Variants in TCF12 observed in about 807,000 individuals in gnomAD.
TCF12 encodes transcription factor 12.
A neutral mutation model predicts 86.0 loss-of-function variants in TCF12; 45 were observed. The observed-to-expected ratio is 0.52, with a 90% confidence interval of 0.41 to 0.67. TCF12 has a LOEUF of 0.67. Among genes scored for constraint, TCF12 ranks in the 30% least tolerant of loss-of-function variants. The pLI is 0.00. For synonymous variants in TCF12, 330 were observed against 299.6 expected, an observed-to-expected ratio of 1.10 and a Z score of -1.05; for missense variants, 881 against 859.9, an observed-to-expected ratio of 1.02 and a Z score of -0.31.
At chr15:57,254,709 T>A (rs990601646) in intron 16 of TCF12, among the ~76,000 whole-genome samples, 5 of 151,452 alleles carry the variant, frequency 3.3e-5, no homozygotes, top group African/African-American at 1.2e-4. Flanking sequence ...TAAAAAAAAA[T>A]TAGTCTGGCA....
At chr15:57,074,435 A>G (rs2069704026) in intron 4 of TCF12, among the ~76,000 whole-genome samples, 1 of 150,808 alleles carries the variant, frequency 6.6e-6, no homozygotes, top group South Asian at 2.1e-4. Flanking sequence ...GCTGTTTTGA[A>G]TTCTTGGAGT....
chr15:57,003,459 C>T (rs2064166803), intron 3 of TCF12, among the ~76,000 whole-genome samples: 1 of 152,192 alleles, frequency 6.6e-6, no homozygotes, highest in Non-Finnish European at 1.5e-5. Flanking sequence ...CCATGATGCA[C>T]ATTGTAGGTT....
At chr15:56,999,859 G>C (rs1596040737) in intron 3 of TCF12, among the ~76,000 whole-genome samples, 1 of 152,054 alleles carries the variant, frequency 6.6e-6, no homozygotes, top group Non-Finnish European at 1.5e-5. Context: ...GGGTGACAGA[G>C]TGAGACTCTG....
intron 12 of TCF12, 36 bp from the exon 13 acceptor site, chr15:57,243,436 A>C (rs763061747): frequency 3.9e-6 from 6 of 1,554,472 alleles, no homozygotes; most frequent in Non-Finnish European, 5.3e-6. Context: ...CTGTTGTCAC[A>C]TGTTGATACA....
intron 3 of TCF12, among the ~76,000 whole-genome samples, chr15:57,005,281 C>T (rs1158421209): frequency 2.6e-5 from 4 of 152,172 alleles, no homozygotes; most frequent in Non-Finnish European, 5.9e-5. Flanking sequence ...CTTTAATACT[C>T]ATGTACATTT....
At chr15:57,072,637 T>G (rs1186503346) in intron 4 of TCF12, 1 of 1,292,714 alleles carries the variant, frequency 7.7e-7, no homozygotes, top group African/African-American at 1.5e-5. Flanking sequence ...TAGTATTTTA[T>G]GCCTCTTGAT....
intron 3 of TCF12, among the ~76,000 whole-genome samples, chr15:56,992,795 T>C (rs1433591856): frequency 2.0e-5 from 3 of 152,208 alleles, no homozygotes; most frequent in South Asian, 4.1e-4. Flanking sequence ...TTTTGGTGAA[T>C]AGAAGAATGC....
intron 4 of TCF12, among the ~76,000 whole-genome samples, chr15:57,071,323 G>A (rs1206725610): frequency 1.3e-5 from 2 of 151,826 alleles, no homozygotes; most frequent in African/African-American, 4.8e-5. Context: ...GAAGTGGGAG[G>A]ATTACATGAA....
chr15:57,207,804 A>G (rs2057905995), intron 8 of TCF12, among the ~76,000 whole-genome samples: 1 of 152,158 alleles, frequency 6.6e-6, no homozygotes, highest in Non-Finnish European at 1.5e-5. Context: ...TATCTTCTCC[A>G]GTAACACAAA....
intron 3 of TCF12, among the ~76,000 whole-genome samples, chr15:56,937,359 G>C (rs1431275800): frequency 6.6e-6 from 1 of 151,826 alleles, no homozygotes; most frequent in East Asian, 1.9e-4. Context: ...ATGAGTTCTA[G>C]GAACTTTTTT....
At chr15:57,123,016 A>G (rs1317202096) in intron 5 of TCF12, among the ~76,000 whole-genome samples, 1 of 152,222 alleles carries the variant, frequency 6.6e-6, no homozygotes, top group Non-Finnish European at 1.5e-5. Flanking sequence ...AGAAAATCAA[A>G]CATTTAAACT....
At chr15:57,151,036 T>A (rs2053714892) in intron 5 of TCF12, among the ~76,000 whole-genome samples, 1 of 151,660 alleles carries the variant, frequency 6.6e-6, no homozygotes, top group East Asian at 1.9e-4. Flanking sequence ...TAGGGTGCAG[T>A]GGAGCGATCA....
chr15:57,032,476 T>C (rs1276846146), intron 3 of TCF12, among the ~76,000 whole-genome samples: 1 of 152,218 alleles, frequency 6.6e-6, no homozygotes, highest in African/African-American at 2.4e-5. Flanking sequence ...TCATACAGGC[T>C]GGAGTGCGCT....
chr15:57,250,004 A>G (rs564912288), intron 13 of TCF12, among the ~76,000 whole-genome samples: 1 of 151,602 alleles, frequency 6.6e-6, no homozygotes, highest in African/African-American at 2.4e-5. Context: ...CTTTTTTTTC[A>G]TTCTTTATAC....
chr15:57,066,005 C>CTTCT (rs1369282002), intron 4 of TCF12, among the ~76,000 whole-genome samples: 1 of 152,108 alleles, frequency 6.6e-6, no homozygotes, highest in East Asian at 1.9e-4. Flanking sequence ...AATTTTTCTC[C>CTTCT]TTCTATCCTA....
chr15:57,033,616 A>G (rs2066333592), intron 3 of TCF12, among the ~76,000 whole-genome samples: 2 of 152,140 alleles, frequency 1.3e-5, no homozygotes, highest in South Asian at 2.1e-4. Context: ...AGCTGTAGAA[A>G]TGTTCTACTT....
chr15:57,141,322 A>C (rs564659801), intron 5 of TCF12, among the ~76,000 whole-genome samples: 1 of 152,356 alleles, frequency 6.6e-6, no homozygotes, highest in African/African-American at 2.4e-5. Context: ...TGGTAAAAGC[A>C]GGCATTAACT....
intron 5 of TCF12, among the ~76,000 whole-genome samples, chr15:57,123,102 C>G (rs1222260884): frequency 6.6e-6 from 1 of 152,302 alleles, no homozygotes; most frequent in Middle Eastern, 3.4e-3. Context: ...CAATAGTAAA[C>G]TTCCTGCCTT....
intron 16 of TCF12, among the ~76,000 whole-genome samples, chr15:57,258,150 G>A (rs1021050933): frequency 1.3e-4 from 20 of 152,014 alleles, no homozygotes; most frequent in African/African-American, 3.9e-4. Context: ...ATGTGGTGGC[G>A]CATGCCTGTA....
Sources: gnomAD v4.1 joint callset for allele counts (sites outside exome capture counted in the v4.1 genomes callset) on GRCh38, gnomAD v4.1.1 for gene constraint, MANE v1.5 for transcripts, NCBI Gene and HGNC (gene_info 2026-07-23, HGNC 2026-07-21) for gene names.